The following ANKS1B variants were observed in gnomAD, a reference collection of about 807,000 sequenced individuals.
ANKS1B encodes ankyrin repeat and sterile alpha motif domain containing 1B.
A neutral mutation model predicts 148.3 loss-of-function variants in ANKS1B; 36 were observed. The observed-to-expected ratio is 0.24, with a 90% CI of 0.19 to 0.32. The LOEUF (loss-of-function observed/expected upper bound fraction) is 0.32. Ranked by LOEUF, ANKS1B falls within the 10% of genes least tolerant of loss-of-function variation. ANKS1B has a pLI of 1.00. For missense variants in ANKS1B, 1,157 were observed against 1,542.6 expected (o/e 0.75, Z 4.19); for synonymous variants, 542 against 560.8 (o/e 0.97, Z 0.47).
chr12:99,984,487 C>A lies in ANKS1B; in HGVS notation c.-250G>T. On this transcript the variant is annotated 5_prime_UTR_variant, in exon 1 of 27. Transcript: ENST00000683438. Reference sequence around the variant, plus strand: ...TGGCCGAGCTGGGAGCCGCGACGCGCCCCCACAGCCACTCCCCTGAATTCC... The same window carrying A: ...TGGCCGAGCTGGGAGCCGCGACGCGACCCCACAGCCACTCCCCTGAATTCC... 2.5e-6 allele frequency: 1 copy of A among 403,026 alleles called. No homozygotes were observed. The highest frequency in any genetic ancestry group is 2.0e-5 in the African/African-American group (1 of 50,324). The allele number at this position is 403,026 out of a possible 1,614,324, so 25.0% of individuals were successfully genotyped here.
At chr12:99,042,050 T>C (rs1200218148) in intron 17 of ANKS1B, among the ~76,000 whole-genome samples, 4 of 151,796 alleles carry the variant, frequency 2.6e-5, no homozygotes, top group East Asian at 1.9e-4. Context: ...AAAAAACCCA[T>C]AAAACACCAA....
intron 12 of ANKS1B, among the ~76,000 whole-genome samples, chr12:99,370,993 TG>T (rs952618481): frequency 3.3e-5 from 5 of 152,132 alleles, no homozygotes; most frequent in African/African-American, 1.2e-4. Flanking sequence ...ATAGAGTTTC[TG>T]GGTTTTTTGT....
In ANKS1B at chr12:99,670,058, C is replaced by T. The variant is rs567795608; in HGVS notation, c.1129-14848G>A. Among the ~76,000 whole-genome samples, 130 of 151,820 alleles carry T rather than the reference C, an allele frequency of 8.6e-4. 4 individuals are homozygous for T. In the South Asian group the frequency reaches 0.022, roughly 25 times the overall value. On this transcript the variant is annotated intron_variant, in intron 8 of 26. Transcript: ENST00000683438. The stretch of plus-strand genomic sequence containing the variant: ...AAGGAGCCACTCCATACCCTATTAC[C>T]TCATGGAAGTTTGACAAAACCTTTA...
intron 9 of ANKS1B, among the ~76,000 whole-genome samples, chr12:99,560,840 CTTTTTTTTTTTTT>C (rs58588885): frequency 2.8e-5 from 2 of 71,924 alleles, no homozygotes; most frequent in African/African-American, 9.7e-5. Flanking sequence ...TTTCTTTTTT[CTTTTTTTTTTTTT>C]TTTTTTTTTT....
intron 11 of ANKS1B, among the ~76,000 whole-genome samples, chr12:99,414,001 T>C (rs1252514733): frequency 6.6e-6 from 1 of 152,186 alleles, no homozygotes; most frequent in Non-Finnish European, 1.5e-5. Context: ...CCAGGGCTTT[T>C]TGAGAACAGA....
intron 17 of ANKS1B, among the ~76,000 whole-genome samples, chr12:98,864,771 A>C (rs17028855): frequency 0.029 from 4,445 of 152,248 alleles, 230 homozygotes; most frequent in African/African-American, 0.1. Context: ...TGTCTGATGA[A>C]GGAAAGATAA....
intron 1 of ANKS1B, among the ~76,000 whole-genome samples, chr12:99,832,158 C>G (rs1033420600): frequency 6.6e-6 from 1 of 152,092 alleles, no homozygotes; most frequent in African/African-American, 2.4e-5. Context: ...AGTAACATGG[C>G]AATACATAAT....
intron 12 of ANKS1B, among the ~76,000 whole-genome samples, chr12:99,346,757 T>C (rs1347554637): frequency 6.6e-6 from 1 of 151,962 alleles, no homozygotes; most frequent in Admixed American, 6.6e-5. Flanking sequence ...TTTCGTGAGT[T>C]ATCAAAGATC....
At chr12:99,831,449 T>C (rs973268469) in intron 1 of ANKS1B, among the ~76,000 whole-genome samples, 1 of 140,436 alleles carries the variant, frequency 7.1e-6, no homozygotes, top group African/African-American at 2.7e-5. Flanking sequence ...TTAAGAGGAA[T>C]TATTTTAAGA....
At chr12:99,687,995 A>G (rs1270267631) in intron 8 of ANKS1B, among the ~76,000 whole-genome samples, 1 of 152,160 alleles carries the variant, frequency 6.6e-6, no homozygotes, top group African/African-American at 2.4e-5. Context: ...CTTCCTTTAA[A>G]CTTTGTTAGG....
At chr12:98,982,861 G>A (rs1331036093) in intron 17 of ANKS1B, among the ~76,000 whole-genome samples, 1 of 152,174 alleles carries the variant, frequency 6.6e-6, no homozygotes, top group African/African-American at 2.4e-5. Flanking sequence ...AGTTCCTGGT[G>A]CACACATGCA....
In ANKS1B at chr12:98,738,075, C is replaced by A. The variant is rs112666413; in HGVS notation, c.691-2441G>T. On this transcript the variant is annotated intron_variant, in intron 9 of 9. Coordinates refer to the ANKS1B transcript ENST00000341752. The stretch of plus-strand genomic sequence containing the variant: ...TATGAGTTTAACTATAGAAGAATTA[C>A]TGTATATGCTCACACGAGAGGGGCA... 2.0e-3 allele frequency among the ~76,000 whole-genome samples: 297 copies of A among 152,290 alleles called. 2 individuals are homozygous for A. The highest frequency in any genetic ancestry group is 6.9e-3 in the African/African-American group (287 of 41,546).
At chr12:99,786,247 A>T (rs1056251650) in intron 4 of ANKS1B, among the ~76,000 whole-genome samples, 1 of 152,174 alleles carries the variant, frequency 6.6e-6, no homozygotes, top group African/African-American at 2.4e-5. Context: ...AAAGAAATAG[A>T]ATTCCCCACA....
intron 17 of ANKS1B, among the ~76,000 whole-genome samples, chr12:98,950,529 T>A (rs1420684763): frequency 6.6e-6 from 1 of 151,942 alleles, no homozygotes; most frequent in East Asian, 1.9e-4. Flanking sequence ...AACAGCAGAG[T>A]GTCCCATCTG....
intron 8 of ANKS1B, among the ~76,000 whole-genome samples, chr12:99,689,173 C>G (rs1173876559): frequency 2.0e-5 from 3 of 152,214 alleles, no homozygotes; most frequent in African/African-American, 7.2e-5. Context: ...TCAAATCCAT[C>G]TTTCACTCTA....
At chr12:99,180,514 T>C (rs376524690) in intron 14 of ANKS1B, among the ~76,000 whole-genome samples, 2 of 152,132 alleles carry the variant, frequency 1.3e-5, no homozygotes, top group East Asian at 3.9e-4. Context: ...TTATAGAGAC[T>C]CACTGTTGGA....
chr12:99,489,904 G>T (rs572532337), intron 10 of ANKS1B, among the ~76,000 whole-genome samples: 1 of 152,228 alleles, frequency 6.6e-6, no homozygotes, highest in South Asian at 2.1e-4. Flanking sequence ...TGATTAAATG[G>T]CAACTGCAGT....
chr12:99,829,323 T>A (rs2083616942), intron 1 of ANKS1B, among the ~76,000 whole-genome samples: 1 of 151,810 alleles, frequency 6.6e-6, no homozygotes, highest in African/African-American at 2.4e-5. Flanking sequence ...GAGACAAGCC[T>A]GGCCGACAAG....
intron 10 of ANKS1B, among the ~76,000 whole-genome samples, chr12:99,467,402 C>A (rs1448578437): frequency 2.6e-5 from 4 of 152,158 alleles, no homozygotes; most frequent in Non-Finnish European, 4.4e-5. Flanking sequence ...CCTTTCTCAC[C>A]ACTCCTATTC....
Sources: gnomAD v4.1 joint callset for allele counts (sites outside exome capture counted in the v4.1 genomes callset) on GRCh38, gnomAD v4.1.1 for gene constraint, MANE v1.5 for transcripts, NCBI Gene and HGNC (gene_info 2026-07-23, HGNC 2026-07-21) for gene names.